SLC25A43: variants seen among roughly 807,000 people sequenced by gnomAD.
SLC25A43 encodes solute carrier family 25, member 43.
Under a neutral mutation model 22.8 loss-of-function variants are expected in SLC25A43, and 10 were observed. That is an observed-to-expected ratio of 0.44 (90% CI 0.27 to 0.74). The LOEUF is 0.74. Ranked by LOEUF, SLC25A43 falls within the 30% of genes least tolerant of loss-of-function variation. SLC25A43 has a pLI of 0.17. For synonymous variants in SLC25A43, 106 were observed against 121.6 expected, an observed-to-expected ratio of 0.87 and a Z score of 0.84; for missense variants, 233 against 279.1, an observed-to-expected ratio of 0.83 and a Z score of 1.18.
intron 1 of SLC25A43, among the ~76,000 whole-genome samples, chrX:119,402,685 T>A (rs748729450): frequency 1.3e-4 from 14 of 111,442 alleles, no homozygotes; most frequent in African/African-American, 4.6e-4. Context: ...CACCAGTGTA[T>A]CCAGTCTCAC....
intron 3 of SLC25A43, among the ~76,000 whole-genome samples, chrX:119,411,438 T>TG (rs1183241894): frequency 1.9e-5 from 2 of 105,525 alleles, no homozygotes; most frequent in Non-Finnish European, 3.9e-5. Context: ...AGGCAGAGGT[T>TG]GCAGTGAGCC....
intron 3 of SLC25A43, among the ~76,000 whole-genome samples, chrX:119,446,175 A>G (rs928976066): frequency 1.9e-5 from 2 of 107,903 alleles, no homozygotes; most frequent in African/African-American, 6.7e-5. Context: ...AAAAAAAAAA[A>G]AAAGAAAGTC....
At chrX:119,404,091 G>A (rs1332802937) in intron 1 of SLC25A43, among the ~76,000 whole-genome samples, 4 of 107,361 alleles carry the variant, frequency 3.7e-5, no homozygotes, top group East Asian at 3.0e-4. Context: ...TCTGCTTCCC[G>A]GATTCAAACT....
chrX:119,406,689 C>G lies in SLC25A43; in HGVS notation c.505C>G (p.Leu169Val). ...CCTTGCCCTTTATCGAGGGGTTTCC[C>G]TCACTGTTGTAGGTAAGATGGACCT... is the stretch of plus-strand genomic sequence containing the variant. ...GFLALYRGVS[L>V]TVVGALPFSA... is the part of the protein sequence containing the mutation. Residue 169 changes from leucine to valine, a missense_variant, in exon 2 of 5, where the codon CTC becomes GTC. Physicochemically the swap from Leu to Val is conservative, Grantham distance 32. Coordinates refer to ENST00000217909, the MANE Select transcript of SLC25A43 (RefSeq NM_145305.3). The G allele has an allele frequency of 8.3e-7, 1 of 1,211,587 alleles. No homozygotes were observed. Among genetic ancestry groups the G allele is most frequent in the Non-Finnish European group, 1.1e-6 (1 of 895,277 alleles).
At chrX:119,448,897 A>G (rs2052685680) in intron 3 of SLC25A43, among the ~76,000 whole-genome samples, 1 of 111,918 alleles carries the variant, frequency 8.9e-6, no homozygotes, top group Non-Finnish European at 1.9e-5. Context: ...TAAATATGCA[A>G]ATAAATGAAT....
chrX:119,452,666 A>C (rs2052715715), intron 4 of SLC25A43, among the ~76,000 whole-genome samples, 199 bp from the exon 5 acceptor site: 2 of 110,944 alleles, frequency 1.8e-5, no homozygotes, highest in Admixed American at 1.9e-4. Flanking sequence ...CCCTTCAATC[A>C]CTGTCATTCC....
intron 2 of SLC25A43, among the ~76,000 whole-genome samples, chrX:119,407,499 A>G (rs1198693087): frequency 9.0e-6 from 1 of 111,620 alleles, no homozygotes; most frequent in African/African-American, 3.3e-5. Flanking sequence ...TACTGGGCCA[A>G]ATGCATTGCA....
intron 3 of SLC25A43, among the ~76,000 whole-genome samples, chrX:119,412,674 C>T (rs965264918): frequency 1.8e-5 from 2 of 112,070 alleles, no homozygotes; most frequent in Non-Finnish European, 3.8e-5. Flanking sequence ...CTGGGCCCAG[C>T]CAACATTTGG....
chrX:119,409,094 T>C (rs1569366229), intron 2 of SLC25A43, among the ~76,000 whole-genome samples: 1 of 111,029 alleles, frequency 9.0e-6, no homozygotes, highest in East Asian at 2.8e-4. Context: ...CCATGGACCA[T>C]CTAGATGCTA....
At chrX:119,448,935 A>T (rs923918352) in intron 3 of SLC25A43, among the ~76,000 whole-genome samples, 2 of 111,410 alleles carry the variant, frequency 1.8e-5, no homozygotes, top group Non-Finnish European at 3.8e-5. Context: ...ATGGGAGTAT[A>T]AAAAAGAGCT....
intron 3 of SLC25A43, among the ~76,000 whole-genome samples, chrX:119,433,520 A>G (rs2052571829): frequency 8.9e-6 from 1 of 112,394 alleles, no homozygotes; most frequent in Non-Finnish European, 1.9e-5. Context: ...TGATACTAGG[A>G]AAACCGGTAG....
At chrX:119,413,649 G>A (rs1041689051) in intron 3 of SLC25A43, among the ~76,000 whole-genome samples, 2 of 107,813 alleles carry the variant, frequency 1.9e-5, no homozygotes, top group African/African-American at 3.4e-5. Flanking sequence ...GGAGGTTGCG[G>A]TGAGCCGAGA....
At chrX:119,408,057 C>G (rs1411544069) in intron 2 of SLC25A43, among the ~76,000 whole-genome samples, 2 of 110,605 alleles carry the variant, frequency 1.8e-5, no homozygotes, top group East Asian at 2.8e-4. Context: ...GCAATTTCAT[C>G]GTTTCACGGC....
intron 3 of SLC25A43, among the ~76,000 whole-genome samples, chrX:119,415,883 C>A (rs1174957431): frequency 4.7e-5 from 5 of 107,509 alleles, no homozygotes; most frequent in African/African-American, 1.0e-4. Flanking sequence ...TGGTGCACAC[C>A]TGTAGTCCCA....
Position 119,451,794 on chromosome X carries a change from G to A in SLC25A43, c.691-215G>A, listed in dbSNP as rs1302344024. 12 of 1,013,304 alleles carry A rather than the reference G, an allele frequency of 1.2e-5. No homozygotes were observed. The East Asian group carries it at 2.2e-4, about 18-fold the overall frequency. 83.5% of individuals were successfully genotyped at this position (1,013,304 alleles called of 1,213,427 possible). ...CTGCTTCCTTCCAGGCAAAATAAAC[G>A]ACAAATATATGGACAGGGTATCATG... On this transcript the variant is annotated intron_variant, in intron 3 of 4. Transcript: ENST00000217909.
At chrX:119,419,258 G>T (rs2052433375) in intron 3 of SLC25A43, among the ~76,000 whole-genome samples, 1 of 111,424 alleles carries the variant, frequency 9.0e-6, no homozygotes, top group African/African-American at 3.3e-5. Flanking sequence ...GCCCATATTA[G>T]GTGTCTCCAT....
intron 3 of SLC25A43, among the ~76,000 whole-genome samples, chrX:119,412,171 T>C (rs1302835897): frequency 9.0e-6 from 1 of 111,558 alleles, no homozygotes; most frequent in Non-Finnish European, 1.9e-5. Flanking sequence ...AAGGTGCTTA[T>C]CAAAGCTGCC....
intron 3 of SLC25A43, among the ~76,000 whole-genome samples, chrX:119,425,615 C>T (rs913681330): frequency 2.5e-5 from 2 of 81,513 alleles, no homozygotes; most frequent in Non-Finnish European, 4.5e-5. Flanking sequence ...AGTAGCATTG[C>T]GTTAGCAGTC....
chrX:119,433,161 T>G (rs11798653), intron 3 of SLC25A43, among the ~76,000 whole-genome samples: 7 of 110,709 alleles, frequency 6.3e-5, no homozygotes, highest in Non-Finnish European at 1.3e-4. Context: ...CAGTACACAA[T>G]TGTGGAATCT....
Sources: gnomAD v4.1 joint callset for allele counts (sites outside exome capture counted in the v4.1 genomes callset) on GRCh38, gnomAD v4.1.1 for gene constraint, MANE v1.5 for transcripts, NCBI Gene and HGNC (gene_info 2026-07-23, HGNC 2026-07-21) for gene names.